Variants in SYT14 observed in about 807,000 individuals in gnomAD.
SYT14 encodes synaptotagmin 14, also known as synaptotagmin-14.
A neutral mutation model predicts 74.2 loss-of-function variants in SYT14; 32 were observed. The ratio of observed to expected loss-of-function variants is 0.43; its 90% CI spans 0.33 to 0.58. The LOEUF is 0.58. Among genes scored for constraint, SYT14 ranks in the 20% least tolerant of loss-of-function variants. SYT14 has a pLI of 0.05. For synonymous variants in SYT14, 298 were observed against 337.7 expected (o/e 0.88, Z 1.29); for missense variants, 791 against 981.8 (o/e 0.81, Z 2.60).
At chr1:210,136,849 A>G (rs1196484506) in intron 7 of SYT14, among the ~76,000 whole-genome samples, 1 of 152,190 alleles carries the variant, frequency 6.6e-6, no homozygotes, top group Admixed American at 6.5e-5. Flanking sequence ...GACTGTTAGA[A>G]GGATCATTCA....
At chr1:209,948,328 A>G (rs1028275975) in intron 1 of SYT14, among the ~76,000 whole-genome samples, 1 of 152,194 alleles carries the variant, frequency 6.6e-6, no homozygotes, top group Non-Finnish European at 1.5e-5. Context: ...GTGTATATTC[A>G]TACACAAACA....
intron 7 of SYT14, among the ~76,000 whole-genome samples, chr1:210,126,613 C>A (rs1056373239): frequency 6.6e-6 from 1 of 152,204 alleles, no homozygotes; most frequent in South Asian, 2.1e-4. Context: ...CTTTCAGAAA[C>A]CCTAAAATGT....
At chr1:210,033,137 C>A (rs189865903) in intron 5 of SYT14, among the ~76,000 whole-genome samples, 194 of 151,868 alleles carry the variant, frequency 1.3e-3, no homozygotes, top group African/African-American at 4.5e-3. Flanking sequence ...TCTCTTGAGG[C>A]AGATATTAAT....
At chr1:210,102,697 C>G (rs2082089304) in intron 7 of SYT14, among the ~76,000 whole-genome samples, 1 of 152,028 alleles carries the variant, frequency 6.6e-6, no homozygotes, top group Non-Finnish European at 1.5e-5. Flanking sequence ...GAGTCAGGGT[C>G]TCACTCTGGG....
chr1:210,112,892 A>G (rs1259680080), intron 7 of SYT14, among the ~76,000 whole-genome samples: 1 of 151,368 alleles, frequency 6.6e-6, no homozygotes, highest in African/African-American at 2.5e-5. Context: ...GAGTCAAGGC[A>G]ATGAGTTCAG....
At chr1:209,959,420 AG>A (rs35696548) in intron 2 of SYT14, among the ~76,000 whole-genome samples, 3,223 of 152,308 alleles carry the variant, frequency 0.021, 53 homozygotes, top group Middle Eastern at 0.034. Context: ...TTGAGATTAC[AG>A]GCGTGAGCCA....
intron 5 of SYT14, among the ~76,000 whole-genome samples, chr1:210,093,214 T>C (rs1572285711): frequency 6.6e-6 from 1 of 152,210 alleles, no homozygotes; most frequent in East Asian, 1.9e-4. Context: ...TTGGTAATTT[T>C]TAAATGAAGC....
chr1:210,121,076 T>A (rs2082451486), intron 7 of SYT14, among the ~76,000 whole-genome samples: 1 of 152,196 alleles, frequency 6.6e-6, no homozygotes. Flanking sequence ...CAACTGTGTG[T>A]CCTTGGGTGA....
intron 5 of SYT14, among the ~76,000 whole-genome samples, chr1:210,053,873 C>T (rs891155523): frequency 1.3e-5 from 2 of 152,074 alleles, no homozygotes; most frequent in Non-Finnish European, 2.9e-5. Flanking sequence ...TGGTATAAAG[C>T]CTATCTTCCA....
At chr1:210,004,331 C>T (rs956858230) in intron 2 of SYT14, among the ~76,000 whole-genome samples, 5 of 151,968 alleles carry the variant, frequency 3.3e-5, no homozygotes, top group African/African-American at 1.2e-4. Context: ...GGACCTTCTA[C>T]AAAATTAATG....
chr1:209,994,572 G>A (rs990337959), intron 2 of SYT14, among the ~76,000 whole-genome samples: 1 of 152,102 alleles, frequency 6.6e-6, no homozygotes, highest in Non-Finnish European at 1.5e-5. Context: ...TATACTTGAG[G>A]ATATAATCCA....
chr1:210,008,478 C>G (rs2080029176), intron 2 of SYT14, among the ~76,000 whole-genome samples: 2 of 152,162 alleles, frequency 1.3e-5, no homozygotes, highest in South Asian at 4.1e-4. Context: ...ATTCTCCTGC[C>G]TCAGCCTCCT....
At chr1:210,130,961 A>G (rs1270371088) in intron 7 of SYT14, among the ~76,000 whole-genome samples, 1 of 152,212 alleles carries the variant, frequency 6.6e-6, no homozygotes, top group African/African-American at 2.4e-5. Flanking sequence ...ATCAGAAATA[A>G]TCTTCAAACA....
chr1:209,992,450 T>C (rs541757663), intron 2 of SYT14, among the ~76,000 whole-genome samples: 6 of 152,270 alleles, frequency 3.9e-5, no homozygotes, highest in Non-Finnish European at 5.9e-5. Context: ...AGATGCTGCA[T>C]GTTCTCATGG....
At chr1:209,974,382 T>G (rs890978884) in intron 2 of SYT14, among the ~76,000 whole-genome samples, 1 of 152,222 alleles carries the variant, frequency 6.6e-6, no homozygotes, top group Non-Finnish European at 1.5e-5. Context: ...TTGAATTAAT[T>G]TTTGTATAAG....
intron 5 of SYT14, among the ~76,000 whole-genome samples, chr1:210,050,730 A>C (rs1012651327): frequency 6.6e-6 from 1 of 152,228 alleles, no homozygotes; most frequent in Non-Finnish European, 1.5e-5. Context: ...GAGCTTGTAC[A>C]GGGAAACTCC....
chr1:209,995,523 C>A (rs1364156894), intron 2 of SYT14, among the ~76,000 whole-genome samples: 1 of 152,110 alleles, frequency 6.6e-6, no homozygotes, highest in East Asian at 1.9e-4. Context: ...ATATAGACAA[C>A]CACGTAATAA....
At chr1:209,978,034 C>T (rs1175744487) in intron 2 of SYT14, among the ~76,000 whole-genome samples, 1 of 152,136 alleles carries the variant, frequency 6.6e-6, no homozygotes, top group Non-Finnish European at 1.5e-5. Flanking sequence ...ACGTAGTTCT[C>T]GTGCCTTGGT....
intron 7 of SYT14, among the ~76,000 whole-genome samples, chr1:210,127,497 T>G (rs2082590722): frequency 6.6e-6 from 1 of 152,136 alleles, no homozygotes; most frequent in African/African-American, 2.4e-5. Flanking sequence ...GCTGGCATTT[T>G]TAGTCTCCAA....
Sources: allele counts gnomAD v4.1 joint callset (sites outside exome capture counted in the v4.1 genomes callset), GRCh38; gene constraint gnomAD v4.1.1; transcripts MANE v1.5; gene names NCBI Gene and HGNC (gene_info 2026-07-23, HGNC 2026-07-21).